GPR137: variants seen among roughly 807,000 people sequenced by gnomAD.
GPR137 encodes the protein integral membrane protein GPR137.
Under a neutral mutation model 38.9 loss-of-function variants are expected in GPR137, and 20 were observed. The observed-to-expected ratio is 0.51, with a 90% CI of 0.36 to 0.75. The LOEUF (loss-of-function observed/expected upper bound fraction) is 0.75. GPR137 is among the 30% of genes least tolerant of loss of function. The pLI is 0.00. For missense variants in GPR137, 456 were observed against 526.4 expected, an observed-to-expected ratio of 0.87 and a Z score of 1.31; for synonymous variants, 226 against 235.8, an observed-to-expected ratio of 0.96 and a Z score of 0.38.
At chr11:64,285,097 A>G, upstream of GPR137, 1 of 1,064,554 alleles carries the variant, frequency 9.4e-7, no homozygotes, top group Non-Finnish European at 1.1e-6. Flanking sequence ...CCACAACTGA[A>G]GCTCAGCCGT....
At chr11:64,286,911 G>A (rs1212860357) in intron 1 of GPR137, 30 bp downstream of exon 1, 47 of 1,547,004 alleles carry the variant, frequency 3.0e-5, no homozygotes, top group Admixed American at 6.7e-5. Flanking sequence ...GGTGGGGGGC[G>A]GGAGGTGGCA....
upstream of GPR137, chr11:64,284,423 G>C (rs773671122): frequency 3.2e-5 from 51 of 1,608,040 alleles, no homozygotes; most frequent in Middle Eastern, 8.2e-4. Context: ...TGGGGCCAAC[G>C]GTGGCCCTGG....
At position 64,289,218 on chromosome 11, in the gene GPR137, A is replaced by G. The variant is rs2034509303; in HGVS notation, c.*22A>G. On this transcript the variant is annotated 3_prime_UTR_variant, in exon 7 of 7. Transcript: ENST00000438980. ...GTGATCCCCCTCCCTCCCCCACAGAATACCCAGGCCCCAGTCCCCCTCACC... is the reference window on the plus strand; with the variant it reads ...GTGATCCCCCTCCCTCCCCCACAGAGTACCCAGGCCCCAGTCCCCCTCACC... 14 of 1,609,544 alleles carry G rather than the reference A, an allele frequency of 8.7e-6. No homozygotes were observed. Among genetic ancestry groups the G allele is most frequent in the Non-Finnish European group, 1.1e-5 (13 of 1,176,432 alleles).
At position 64,289,448 on chromosome 11, in the gene GPR137, T is replaced by TACCTCTCCTGTGCCTGCC; in HGVS notation, c.*255_*272dup. The TACCTCTCCTGTGCCTGCC allele has an allele frequency of 6.6e-7, 1 of 1,510,802 alleles. No individual in the cohort carries two copies. Among genetic ancestry groups the TACCTCTCCTGTGCCTGCC allele is most frequent in the South Asian group, 1.3e-5 (1 of 75,622 alleles). 93.6% of individuals were successfully genotyped at this position (1,510,802 alleles called of 1,614,324 possible). On this transcript the variant is annotated 3_prime_UTR_variant, in exon 7 of 7. Coordinates refer to ENST00000438980, the MANE Select transcript of GPR137 (RefSeq NM_001170880.2). ...CCTCTGCTTCCACACCGGAGCCAGC[T>TACCTCTCCTGTGCCTGCC]ACCTCTCCTGTGCCTGCCACTCAAT...
chr11:64,274,427 C>T (rs565138744), upstream of GPR137, among the ~76,000 whole-genome samples: 69 of 152,050 alleles, frequency 4.5e-4, no homozygotes, highest in African/African-American at 1.6e-3. Flanking sequence ...TGGCTCACGC[C>T]AGTAATCCCA....
chr11:64,287,389 T>G (rs1487496161), intron 2 of GPR137: 1 of 880,736 alleles, frequency 1.1e-6, no homozygotes. Context: ...CAGCCATCTT[T>G]TATTTGTACA....
upstream of GPR137, chr11:64,285,180 GCTC>G: frequency 1.0e-6 from 1 of 989,120 alleles, no homozygotes; most frequent in African/African-American, 1.7e-5. Context: ...CCCGCTCCCC[GCTC>G]CTCCTCCCAG....
At chr11:64,279,581 A>G (rs1172375294), upstream of GPR137, among the ~76,000 whole-genome samples, 1 of 151,780 alleles carries the variant, frequency 6.6e-6, no homozygotes, top group Non-Finnish European at 1.5e-5. Context: ...CCTGGCCAAC[A>G]TGGTGAAACC....
At chr11:64,284,199 C>G (rs769943605), upstream of GPR137, 6 of 1,600,618 alleles carry the variant, frequency 3.7e-6, no homozygotes, top group Non-Finnish European at 5.1e-6. Flanking sequence ...ATGGCTGCTG[C>G]TGGTTGGCTG....
upstream of GPR137, among the ~76,000 whole-genome samples, chr11:64,282,081 G>A (rs1002999837): frequency 5.9e-5 from 9 of 152,166 alleles, no homozygotes; most frequent in African/African-American, 2.2e-4. Context: ...GGATGCTTTT[G>A]TGCTTGTTTG....
Position 64,288,417 on chromosome 11 carries a change from C to T in GPR137, c.861C>T (p.Pro287=). 1 of 1,613,766 alleles carries T rather than the reference C, an allele frequency of 6.2e-7. No homozygotes were observed. Among genetic ancestry groups the T allele is most frequent in the East Asian group, 2.2e-5 (1 of 44,872 alleles). The change falls in exon 5 of 7, where the codon CCC becomes CCT. Residue 287 remains proline, a synonymous_variant. Coordinates refer to ENST00000438980, the MANE Select transcript of GPR137 (RefSeq NM_001170880.2). The surrounding 1 kb of genome is among the most constrained non-coding windows in gnomAD (Gnocchi z 5.5). ...TCCTCTTCGTGTGGGAGCTACTGCC[C>T]ACCACCCTGCTGGTGGGCTTCTTCC... The part of the protein sequence containing the change: ...GLILFVWELL[P]TTLLVGFFRV...
upstream of GPR137, chr11:64,284,621 C>T (rs1012971065): frequency 6.6e-7 from 1 of 1,513,342 alleles, no homozygotes; most frequent in African/African-American, 1.4e-5. Flanking sequence ...TGACGGCGCA[C>T]AGGTCTCACC....
In GPR137 at chr11:64,286,342, G is replaced by C; in HGVS notation, c.-183G>C. 7.1e-7 allele frequency: 1 copy of C among 1,404,794 alleles called. No homozygotes were observed. The highest frequency in any genetic ancestry group is 2.6e-5 in the East Asian group (1 of 38,192). The allele number at this position is 1,404,794 out of a possible 1,614,324, so 87.0% of individuals were successfully genotyped here. A position where few individuals can be genotyped will look rare whatever the true frequency, so the allele number is the denominator to read the frequency against. On this transcript the variant is annotated 5_prime_UTR_variant, in exon 1 of 7. Transcript: ENST00000438980. ...GGGGCCTGGGGCCCAGGCTGCCTGT[G>C]TTCCCCAAGGGCAAGGGTCTCTCTG...
rs796327568 is a variant in GPR137, at chr11:64,285,874, G to T, written c.-651G>T. On this transcript the variant is annotated 5_prime_UTR_variant, in exon 1 of 7. Transcript: ENST00000438980. ...GAGCAGCGGGAGCCGGGGAGCCGGA[G>T]CCCCGGGTCCCCACGACCTGAGCCG... 14 of 979,464 alleles carry T rather than the reference G, an allele frequency of 1.4e-5. No individual in the cohort carries two copies. The highest frequency in any genetic ancestry group is 9.4e-5 in the South Asian group (2 of 21,174). The allele number at this position is 979,464 out of a possible 1,614,324, so 60.7% of individuals were successfully genotyped here. A position where few individuals can be genotyped will look rare whatever the true frequency, so the allele number is the denominator to read the frequency against.
At chr11:64,278,965 C>T (rs1166626677) in intron 2 of GPR137, among the ~76,000 whole-genome samples, 1 of 152,202 alleles carries the variant, frequency 6.6e-6, no homozygotes, top group Non-Finnish European at 1.5e-5. Flanking sequence ...TTAAGAAATC[C>T]AGCTCTGTCC....
At chr11:64,284,168 G>C, upstream of GPR137, 1 of 1,566,770 alleles carries the variant, frequency 6.4e-7, no homozygotes, top group African/African-American at 1.4e-5. Context: ...AGGTGGAGGT[G>C]GTGGGGTACT....
chr11:64,272,000 G>C (rs1286906308), upstream of GPR137: 1 of 415,750 alleles, frequency 2.4e-6, no homozygotes, highest in Non-Finnish European at 4.1e-6. Context: ...GAAGATTTAG[G>C]TTAACTTCTC....
At chr11:64,284,603 G>C, upstream of GPR137, 1 of 1,497,800 alleles carries the variant, frequency 6.7e-7, no homozygotes, top group Non-Finnish European at 8.9e-7. Flanking sequence ...GCCCCGCCCC[G>C]CCCGTGGTGA....
upstream of GPR137, chr11:64,284,597 C>T (rs903418016): frequency 3.7e-5 from 55 of 1,498,432 alleles, no homozygotes; most frequent in Non-Finnish European, 4.9e-5. Context: ...ACCCAGGCCC[C>T]GCCCCGCCCG....
Sources: gnomAD v4.1 joint callset for allele counts (sites outside exome capture counted in the v4.1 genomes callset) on GRCh38, gnomAD v4.1.1 for gene constraint, Gnocchi (gnomAD v3.1) non-coding constraint, MANE v1.5 for transcripts, NCBI Gene and HGNC (gene_info 2026-07-23, HGNC 2026-07-21) for gene names.